Variants in RANBP2 observed in about 807,000 individuals in gnomAD.
The protein encoded by RANBP2 is RAN binding protein 2, also known as E3 SUMO-protein ligase RanBP2.
Under a neutral mutation model 303.6 loss-of-function variants are expected in RANBP2, and 57 were observed. The ratio of observed to expected loss-of-function variants is 0.19; its 90% CI spans 0.15 to 0.23. The LOEUF is 0.23. Ranked by LOEUF, RANBP2 falls within the 10% of genes least tolerant of loss-of-function variation. The probability of loss-of-function intolerance (pLI) is 1.00; values close to 1 mark genes in which losing one functional copy is unlikely to be tolerated. For missense variants in RANBP2, 3,138 were observed against 3,780.8 expected, an observed-to-expected ratio of 0.83 and a Z score of 4.46; for synonymous variants, 1,167 against 1,301.5, an observed-to-expected ratio of 0.90 and a Z score of 2.23.
chr2:109,331,315 T>C, the RANBP2 span, among the ~76,000 whole-genome samples: 1 of 152,094 alleles, frequency 6.6e-6, no homozygotes, highest in Non-Finnish European at 1.5e-5. Flanking sequence ...AGTTCCTCAT[T>C]TGCAATCAAT....
intron 20 of RANBP2, among the ~76,000 whole-genome samples, chr2:108,770,375 G>A (rs1032956034): frequency 3.3e-5 from 5 of 152,178 alleles, no homozygotes; most frequent in African/African-American, 1.2e-4. Flanking sequence ...ATGAAGGAGA[G>A]GGACAAATTT....
At chr2:108,974,079 C>A in the RANBP2 span, among the ~76,000 whole-genome samples, 1 of 152,006 alleles carries the variant, frequency 6.6e-6, no homozygotes, top group Non-Finnish European at 1.5e-5. Flanking sequence ...CCTGTAATCC[C>A]AGCACTTTGG....
the RANBP2 span, among the ~76,000 whole-genome samples, chr2:109,349,278 A>C: frequency 2.6e-5 from 4 of 152,208 alleles, no homozygotes; most frequent in Non-Finnish European, 5.9e-5. Flanking sequence ...GTTCAGCCTG[A>C]CAATGAATAA....
At chr2:109,619,768 T>C in the RANBP2 span, among the ~76,000 whole-genome samples, 1 of 152,186 alleles carries the variant, frequency 6.6e-6, no homozygotes, top group African/African-American at 2.4e-5. Flanking sequence ...CTAGTAAAAA[T>C]TATTTTTATT....
the RANBP2 span, among the ~76,000 whole-genome samples, chr2:109,489,392 C>T: frequency 7.2e-5 from 11 of 152,166 alleles, no homozygotes; most frequent in East Asian, 7.7e-4. Flanking sequence ...TGGCTGGGGC[C>T]GGAGCAGTTG....
At position 108,741,569 on chromosome 2, in the gene RANBP2, G is replaced by A. The variant is rs544905377; in HGVS notation, c.975+888G>A. 4.0e-5 allele frequency among the ~76,000 whole-genome samples: 5 copies of A among 125,004 alleles called. No homozygotes were observed. The South Asian group carries it at 1.4e-3, about 35-fold the overall frequency. The allele number at this position is 125,004 out of a possible 152,430, so 82.0% of individuals were successfully genotyped here. On this transcript the variant is annotated intron_variant, in intron 7 of 28. Coordinates refer to ENST00000283195, the MANE Select transcript of RANBP2 (RefSeq NM_006267.5). ...CGCCCAGTCTGGAGTGCAGTGGCAC[G>A]ATCTCGGCTCCCTGCAAGCTCCACC...
At chr2:108,733,081 C>T (rs1695303581) in intron 4 of RANBP2, among the ~76,000 whole-genome samples, 1 of 152,098 alleles carries the variant, frequency 6.6e-6, no homozygotes, top group Non-Finnish European at 1.5e-5. Context: ...GCCCCAGCCT[C>T]CCAAAGTGCT....
chr2:108,747,432 G>A (rs1421804402), intron 8 of RANBP2, among the ~76,000 whole-genome samples: 1 of 152,212 alleles, frequency 6.6e-6, no homozygotes, highest in Non-Finnish European at 1.5e-5. Context: ...ATTTTGTAAA[G>A]AGCAAGATGT....
At chr2:108,894,510 GTT>G in the RANBP2 span, 3 of 151,984 alleles carry the variant, frequency 2.0e-5, no homozygotes, top group African/African-American at 4.9e-5. Flanking sequence ...AATATAATAA[GTT>G]ATATATATAC....
the RANBP2 span, among the ~76,000 whole-genome samples, chr2:109,519,722 A>G: frequency 1.3e-5 from 2 of 152,382 alleles, no homozygotes; most frequent in East Asian, 1.9e-4. Context: ...CTGGGTAAAA[A>G]GAAAGACACA....
the RANBP2 span, among the ~76,000 whole-genome samples, chr2:109,581,358 A>G: frequency 3.5e-4 from 53 of 151,690 alleles, no homozygotes; most frequent in African/African-American, 1.2e-3. Flanking sequence ...AATCACCTGA[A>G]CCCAGGAGGC....
the RANBP2 span, among the ~76,000 whole-genome samples, chr2:109,009,892 G>A: frequency 6.6e-6 from 1 of 151,878 alleles, no homozygotes; most frequent in Non-Finnish European, 1.5e-5. Flanking sequence ...TCATAATTGG[G>A]ATCACACTAT....
chr2:109,146,885 T>TCCCCCCCCC, the RANBP2 span, among the ~76,000 whole-genome samples: 1 of 14,404 alleles, frequency 6.9e-5, no homozygotes, highest in African/African-American at 4.8e-4. Context: ...CTTTTTTCCC[T>TCCCCCCCCC]CCCCCCCCCC....
At chr2:109,007,012 G>A in the RANBP2 span, among the ~76,000 whole-genome samples, 4 of 152,150 alleles carry the variant, frequency 2.6e-5, no homozygotes, top group African/African-American at 7.2e-5. Context: ...GTAGGGGAAC[G>A]GGCTGGGGAG....
the RANBP2 span, among the ~76,000 whole-genome samples, chr2:108,870,621 T>C: frequency 6.6e-6 from 1 of 152,248 alleles, no homozygotes; most frequent in African/African-American, 2.4e-5. Context: ...AAATGTGGTA[T>C]GTACATACGG....
At chr2:109,151,434 A>G in the RANBP2 span, among the ~76,000 whole-genome samples, 1 of 152,250 alleles carries the variant, frequency 6.6e-6, no homozygotes, top group African/African-American at 2.4e-5. Context: ...AAGCAGCACC[A>G]TCCAATACAA....
At chr2:108,953,772 T>C in the RANBP2 span, among the ~76,000 whole-genome samples, 1 of 152,130 alleles carries the variant, frequency 6.6e-6, no homozygotes, top group African/African-American at 2.4e-5. Context: ...AACTGGCAGG[T>C]GGAGAGGCCA....
intron 20 of RANBP2, chr2:108,769,328 G>T (rs1260399540): frequency 1.0e-6 from 1 of 984,236 alleles, no homozygotes; most frequent in Non-Finnish European, 1.2e-6. Context: ...CTCACAGCCT[G>T]AGAGCAAAGG....
intron 1 of RANBP2, among the ~76,000 whole-genome samples, chr2:108,728,755 G>A (rs826533): frequency 0.25 from 37,268 of 151,868 alleles, 4,783 homozygotes; most frequent in South Asian, 0.34. Context: ...ACTGATTCTC[G>A]TGCCTTAGCC....
Sources: allele counts gnomAD v4.1 joint callset (sites outside exome capture counted in the v4.1 genomes callset), GRCh38; gene constraint gnomAD v4.1.1; transcripts MANE v1.5; gene names NCBI Gene and HGNC (gene_info 2026-07-23, HGNC 2026-07-21).